EPHB2: variants seen among roughly 807,000 people sequenced by gnomAD.
EPHB2 encodes EPH receptor B2, also known as ephrin type-B receptor 2.
EPHB2 carries 18 observed loss-of-function variants against 96.4 expected under a neutral mutation model. The observed-to-expected ratio is 0.19, with a 90% CI of 0.13 to 0.28. The LOEUF (loss-of-function observed/expected upper bound fraction) is 0.28. Ranked by LOEUF, EPHB2 falls within the 10% of genes least tolerant of loss-of-function variation. EPHB2 has a pLI of 1.00. For missense variants in EPHB2, 989 were observed against 1,355.4 expected (o/e 0.73, Z 4.25); for synonymous variants, 506 against 534.1 (o/e 0.95, Z 0.72).
intron 7 of EPHB2, among the ~76,000 whole-genome samples, chr1:22,894,588 C>T (rs1639495327): frequency 6.7e-6 from 1 of 149,960 alleles, no homozygotes; most frequent in Admixed American, 6.6e-5. Flanking sequence ...AAGAGTGAAA[C>T]TCCCACTCCA....
intron 1 of EPHB2, among the ~76,000 whole-genome samples, chr1:22,739,212 T>C (rs1025720719): frequency 1.3e-5 from 2 of 151,782 alleles, no homozygotes; most frequent in African/African-American, 4.8e-5. Flanking sequence ...AACTAATTCT[T>C]TTTGTTTTTT....
chr1:22,759,389 T>G (rs1644203425), intron 1 of EPHB2, among the ~76,000 whole-genome samples: 2 of 152,150 alleles, frequency 1.3e-5, no homozygotes. Flanking sequence ...CCTGTTACTC[T>G]TTATTGCACT....
chr1:22,897,246 C>T lies in EPHB2; in HGVS notation c.1765+768C>T, dbSNP rs904412633. Among the ~76,000 whole-genome samples the T allele has an allele frequency of 2.0e-5, 3 of 152,202 alleles. 1 individual carries two copies. Among genetic ancestry groups the T allele is most frequent in the African/African-American group, 7.2e-5 (3 of 41,450 alleles). On this transcript the variant is annotated intron_variant, in intron 9 of 15. Transcript: ENST00000374630. ...GATTCCTCTCTCCACTTGACCTGGG[C>T]AGAACCAGTAATCAGGGAGTCGGGG...
intron 3 of EPHB2, among the ~76,000 whole-genome samples, chr1:22,837,500 AT>A (rs1645402602): frequency 6.6e-6 from 1 of 152,116 alleles, no homozygotes; most frequent in Admixed American, 6.5e-5. Context: ...ATTTGGGCCC[AT>A]TTTACAGATG....
At chr1:22,854,072 G>A (rs113155919) in intron 3 of EPHB2, among the ~76,000 whole-genome samples, 4 of 152,194 alleles carry the variant, frequency 2.6e-5, no homozygotes, top group Admixed American at 6.5e-5. Context: ...GGGAGCTACC[G>A]GCCCTGAGGC....
chr1:22,830,455 G>A (rs1004062225), intron 3 of EPHB2, among the ~76,000 whole-genome samples: 4 of 152,190 alleles, frequency 2.6e-5, no homozygotes. Context: ...ATCTCCCCAG[G>A]CCTTGGTTTC....
chr1:22,793,646 C>G (rs1644727475), intron 3 of EPHB2, among the ~76,000 whole-genome samples: 1 of 152,130 alleles, frequency 6.6e-6, no homozygotes, highest in African/African-American at 2.4e-5. Flanking sequence ...AGTTCTACTG[C>G]CCTCGCAGGC....
chr1:22,770,961 GATA>G (rs1393826357), intron 1 of EPHB2, among the ~76,000 whole-genome samples: 3 of 152,268 alleles, frequency 2.0e-5, no homozygotes, highest in African/African-American at 7.2e-5. Context: ...CATCAAAACA[GATA>G]ATATGTGTGA....
Position 22,775,553 on chromosome 1 carries a change from G to A in EPHB2, c.62-5868G>A, listed in dbSNP as rs143954620. Among the ~76,000 whole-genome samples the A allele has an allele frequency of 4.1e-3, 622 of 152,374 alleles. 3 individuals are homozygous for A. Among genetic ancestry groups the A allele is most frequent in the African/African-American group, 0.012 (506 of 41,586 alleles). ...CAGCCTGAGAGCAGGCAGGCCCCCTGCAGCCACCTCCTTTCAGCCCAACGC... is the reference window on the plus strand; with the variant it reads ...CAGCCTGAGAGCAGGCAGGCCCCCTACAGCCACCTCCTTTCAGCCCAACGC... On this transcript the variant is annotated intron_variant, in intron 1 of 15. Coordinates refer to ENST00000374630, the MANE Select transcript of EPHB2 (RefSeq NM_017449.5).
intron 1 of EPHB2, chr1:22,775,227 C>A (rs766118827): frequency 2.6e-6 from 2 of 779,836 alleles, no homozygotes; most frequent in South Asian, 2.7e-5. Context: ...CTAGCCCTGC[C>A]TGTGTGCACT....
At chr1:22,760,827 G>T (rs1429855653) in intron 1 of EPHB2, among the ~76,000 whole-genome samples, 6 of 152,158 alleles carry the variant, frequency 3.9e-5, no homozygotes, top group African/African-American at 9.7e-5. Flanking sequence ...GCTTGGGAGG[G>T]TGGCTGTGTC....
At chr1:22,781,292 C>G in intron 1 of EPHB2, 129 bp from the exon 2 acceptor site, 1 of 912,640 alleles carries the variant, frequency 1.1e-6, no homozygotes, top group South Asian at 1.5e-5. Context: ...TGCACTCCAG[C>G]CTGGGCGACA....
At chr1:22,894,257 G>A (rs904347891) in intron 7 of EPHB2, among the ~76,000 whole-genome samples, 89 of 152,270 alleles carry the variant, frequency 5.8e-4, no homozygotes, top group African/African-American at 1.9e-3. Context: ...GTCCCAGAGC[G>A]CGTCCCTGAT....
chr1:22,854,230 G>T (rs1262776313), intron 3 of EPHB2, among the ~76,000 whole-genome samples: 2 of 152,200 alleles, frequency 1.3e-5, no homozygotes, highest in Non-Finnish European at 2.9e-5. Flanking sequence ...ATGGACTAAG[G>T]CTGGGCATAG....
Position 22,906,616 on chromosome 1 carries a change from C to G in EPHB2, c.1889-94C>G. 1 of 1,579,096 alleles carries G rather than the reference C, an allele frequency of 6.3e-7. No individual in the cohort carries two copies. Among genetic ancestry groups the G allele is most frequent in the South Asian group, 1.1e-5 (1 of 87,552 alleles). On this transcript the variant is annotated intron_variant, in intron 10 of 15. Coordinates refer to ENST00000374630, the MANE Select transcript of EPHB2 (RefSeq NM_017449.5). The surrounding 1 kb of genome is among the most constrained non-coding windows in gnomAD (Gnocchi z 4.8). ...GTGGGCCATTGAGAAGAAAATGTAC[C>G]TGCAGGCCCCGTGAGTGGACATGAC...
chr1:22,833,643 G>A (rs1645339102), intron 3 of EPHB2, among the ~76,000 whole-genome samples: 1 of 152,100 alleles, frequency 6.6e-6, no homozygotes, highest in South Asian at 2.1e-4. Context: ...GAATAAAAAG[G>A]CATACAGCAA....
intron 3 of EPHB2, among the ~76,000 whole-genome samples, chr1:22,806,574 G>T (rs894997807): frequency 1.1e-4 from 17 of 152,144 alleles, no homozygotes; most frequent in Admixed American, 5.9e-4. Context: ...CAGGCCCCAG[G>T]ATCCCAGCTT....
chr1:22,821,125 ATCCACAT>A (rs1645146630), intron 3 of EPHB2, among the ~76,000 whole-genome samples: 1 of 152,178 alleles, frequency 6.6e-6, no homozygotes, highest in African/African-American at 2.4e-5. Context: ...CAACCATCGC[ATCCACAT>A]TCCAGCCAGG....
At chr1:22,788,411 G>A (rs1260949038) in intron 3 of EPHB2, among the ~76,000 whole-genome samples, 1 of 152,212 alleles carries the variant, frequency 6.6e-6, no homozygotes. Context: ...ATGAGCTCAG[G>A]GAGCCCAGAA....
Sources: gnomAD v4.1 joint callset for allele counts (sites outside exome capture counted in the v4.1 genomes callset) on GRCh38, gnomAD v4.1.1 for gene constraint, Gnocchi (gnomAD v3.1) non-coding constraint, MANE v1.5 for transcripts, NCBI Gene and HGNC (gene_info 2026-07-23, HGNC 2026-07-21) for gene names.